The following SDK1 variants were observed in gnomAD, a reference collection of about 807,000 sequenced individuals.
The protein encoded by SDK1 is protein sidekick-1.
SDK1 carries 157 observed loss-of-function variants against 245.5 expected under a neutral mutation model. The observed-to-expected ratio is 0.64, with a 90% CI of 0.56 to 0.73. The LOEUF (loss-of-function observed/expected upper bound fraction) is 0.73, where lower values mean the gene tolerates loss of function less well. Ranked by LOEUF, SDK1 falls within the 30% of genes least tolerant of loss-of-function variation. The pLI is 0.00. For missense variants in SDK1, 3,583 were observed against 3,002.3 expected (o/e 1.19, Z -4.52); for synonymous variants, 1,647 against 1,278.5 (o/e 1.29, Z -6.15).
intron 19 of SDK1, among the ~76,000 whole-genome samples, chr7:4,066,421 C>T (rs1299065126): frequency 1.3e-5 from 2 of 152,220 alleles, no homozygotes; most frequent in African/African-American, 2.4e-5. Context: ...TGCACTGTCT[C>T]TCTTCCCCTC....
At chr7:4,088,943 G>A (rs1781603600) in intron 22 of SDK1, among the ~76,000 whole-genome samples, 1 of 151,090 alleles carries the variant, frequency 6.6e-6, no homozygotes, top group Non-Finnish European at 1.5e-5. Context: ...AGACCCTTGT[G>A]GGCATCTGCA....
At chr7:3,407,543 C>A (rs969691417) in intron 1 of SDK1, among the ~76,000 whole-genome samples, 1 of 152,074 alleles carries the variant, frequency 6.6e-6, no homozygotes, top group Non-Finnish European at 1.5e-5. Context: ...ATACTTACAT[C>A]CAGAAATATG....
chr7:3,311,902 C>T (rs910490956), intron 1 of SDK1, among the ~76,000 whole-genome samples: 2 of 152,142 alleles, frequency 1.3e-5, no homozygotes, highest in Non-Finnish European at 2.9e-5. Context: ...AATACACGCC[C>T]CAATGGCTTA....
chr7:3,358,975 C>T (rs1020407334), intron 1 of SDK1, among the ~76,000 whole-genome samples: 1 of 152,058 alleles, frequency 6.6e-6, no homozygotes. Context: ...TAATCACAGC[C>T]CTGGTTTTTA....
At chr7:3,588,002 T>C (rs1446598536) in intron 1 of SDK1, among the ~76,000 whole-genome samples, 1 of 152,234 alleles carries the variant, frequency 6.6e-6, no homozygotes, top group Non-Finnish European at 1.5e-5. Context: ...AAGCTGCGGG[T>C]AAATCAATTC....
intron 4 of SDK1, among the ~76,000 whole-genome samples, chr7:3,783,557 A>G (rs28890571): frequency 1.0e-3 from 155 of 152,274 alleles, no homozygotes; most frequent in African/African-American, 3.7e-3. Context: ...AATCAGTGGC[A>G]TTTCTATATG....
chr7:3,729,136 C>T (rs1156827068), intron 4 of SDK1, among the ~76,000 whole-genome samples: 2 of 152,072 alleles, frequency 1.3e-5, no homozygotes, highest in Non-Finnish European at 2.9e-5. Flanking sequence ...TTTACCATGG[C>T]ATCAAACTTT....
chr7:3,751,398 C>T (rs919179718), intron 4 of SDK1, among the ~76,000 whole-genome samples: 5 of 116,820 alleles, frequency 4.3e-5, no homozygotes, highest in African/African-American at 1.7e-4. Flanking sequence ...CTGCCTATGG[C>T]AAACTAAATG....
chr7:3,714,498 A>G (rs1337170588), intron 4 of SDK1, among the ~76,000 whole-genome samples: 1 of 152,094 alleles, frequency 6.6e-6, no homozygotes, highest in African/African-American at 2.4e-5. Flanking sequence ...AGTTTATCCC[A>G]TTTGCTCATT....
chr7:4,133,598 T>C (rs1194236823), intron 28 of SDK1, among the ~76,000 whole-genome samples: 1 of 152,176 alleles, frequency 6.6e-6, no homozygotes, highest in Non-Finnish European at 1.5e-5. Flanking sequence ...GGAAGGGGGC[T>C]GTCCACTCAG....
chr7:3,483,985 C>T (rs143335999), intron 1 of SDK1, among the ~76,000 whole-genome samples: 27 of 152,156 alleles, frequency 1.8e-4, no homozygotes, highest in Admixed American at 5.9e-4. Context: ...TTTTGATATA[C>T]GCATATGATG....
intron 13 of SDK1, among the ~76,000 whole-genome samples, chr7:3,975,384 G>A (rs1323484818): frequency 6.6e-6 from 1 of 152,068 alleles, no homozygotes; most frequent in Non-Finnish European, 1.5e-5. Context: ...TGACATGCTG[G>A]GCCTTTCGAC....
chr7:3,454,926 T>C (rs549993558), intron 1 of SDK1, among the ~76,000 whole-genome samples: 2 of 152,336 alleles, frequency 1.3e-5, no homozygotes, highest in East Asian at 3.9e-4. Flanking sequence ...CCAGAGTGAC[T>C]GTACCATTTT....
At chr7:3,968,050 G>A (rs1476180588) in intron 10 of SDK1, among the ~76,000 whole-genome samples, 1 of 152,224 alleles carries the variant, frequency 6.6e-6, no homozygotes, top group South Asian at 2.1e-4. Flanking sequence ...AGGCCTCCTC[G>A]GGCCTTACCG....
chr7:3,554,698 C>T (rs376886207), intron 1 of SDK1, among the ~76,000 whole-genome samples: 1 of 152,154 alleles, frequency 6.6e-6, no homozygotes, highest in African/African-American at 2.4e-5. Flanking sequence ...GGCCACCTTT[C>T]CCTCATCCAA....
chr7:3,775,882 C>G (rs1780543693), intron 4 of SDK1, among the ~76,000 whole-genome samples: 1 of 152,170 alleles, frequency 6.6e-6, no homozygotes, highest in Admixed American at 6.5e-5. Flanking sequence ...GGCCTAGTAC[C>G]TCTTTAAATG....
chr7:3,949,111 C>G (rs917771617), intron 5 of SDK1, among the ~76,000 whole-genome samples: 1 of 152,114 alleles, frequency 6.6e-6, no homozygotes, highest in African/African-American at 2.4e-5. Flanking sequence ...GGCAATTTTA[C>G]AAAGCGAAGG....
At chr7:3,776,517 A>C (rs941856747) in intron 4 of SDK1, among the ~76,000 whole-genome samples, 1 of 152,208 alleles carries the variant, frequency 6.6e-6, no homozygotes, top group Non-Finnish European at 1.5e-5. Context: ...TTTTCTGGAT[A>C]TATGTCTTCG....
At chr7:3,482,083 G>C (rs1781539376) in intron 1 of SDK1, among the ~76,000 whole-genome samples, 1 of 152,108 alleles carries the variant, frequency 6.6e-6, no homozygotes, top group South Asian at 2.1e-4. Context: ...GTAAAGTTCA[G>C]GGACATATCC....
Sources: allele counts gnomAD v4.1 joint callset (sites outside exome capture counted in the v4.1 genomes callset), GRCh38; gene constraint gnomAD v4.1.1; transcripts MANE v1.5; gene names NCBI Gene and HGNC (gene_info 2026-07-23, HGNC 2026-07-21).